Variants in NDUFAF6 observed in about 807,000 individuals in gnomAD.
NDUFAF6 encodes the protein NADH:ubiquinone oxidoreductase complex assembly factor 6.
In NDUFAF6, 45 loss-of-function variants were observed where a neutral mutation model predicts 40.8. The observed-to-expected ratio is 1.10, with a 90% CI of 0.87 to 1.42. The LOEUF (loss-of-function observed/expected upper bound fraction) is 1.42, where lower values mean the gene tolerates loss of function less well. Among genes scored for constraint, NDUFAF6 ranks in the 40% most tolerant of loss-of-function variants. NDUFAF6 has a pLI of 0.00. For missense variants in NDUFAF6, 435 were observed against 418.5 expected, an observed-to-expected ratio of 1.04 and a Z score of -0.34; for synonymous variants, 185 against 155.9, an observed-to-expected ratio of 1.19 and a Z score of -1.39.
intron 2 of NDUFAF6, chr8:94,950,256 A>G (rs942477556): frequency 2.0e-5 from 3 of 152,286 alleles, no homozygotes; most frequent in African/African-American, 7.2e-5. Flanking sequence ...CCAACTCACC[A>G]GGTTATTTAT....
chr8:95,021,804 C>T (rs902312038), upstream of NDUFAF6, among the ~76,000 whole-genome samples: 1 of 152,066 alleles, frequency 6.6e-6, no homozygotes, highest in Admixed American at 6.5e-5. Context: ...AATTATCAAA[C>T]CTGAGGAGGA....
At chr8:95,001,662 G>A (rs1392394994) in intron 2 of NDUFAF6, among the ~76,000 whole-genome samples, 1 of 152,150 alleles carries the variant, frequency 6.6e-6, no homozygotes, top group Non-Finnish European at 1.5e-5. Flanking sequence ...ACTAGACTAA[G>A]ATTTCTGGAT....
At chr8:95,115,031 C>T (rs7002233) in intron 4 of NDUFAF6, among the ~76,000 whole-genome samples, 127,318 of 151,422 alleles carry the variant, frequency 0.84, 54,004 homozygotes, top group East Asian at 1. Flanking sequence ...CACTGCACTC[C>T]AGCCTGGGGG....
At chr8:95,063,393 G>A (rs754409526), downstream of NDUFAF6, among the ~76,000 whole-genome samples, 47 of 152,170 alleles carry the variant, frequency 3.1e-4, no homozygotes, top group Non-Finnish European at 1.0e-4. Context: ...AAGGTCAGGA[G>A]TTTAAGACCA....
At chr8:94,943,185 T>C (rs1821707584) in intron 1 of NDUFAF6, among the ~76,000 whole-genome samples, 1 of 152,130 alleles carries the variant, frequency 6.6e-6, no homozygotes. Context: ...AAGACAGTGA[T>C]AAAAAGCATA....
At chr8:95,048,425 G>C (rs745744709) in intron 6 of NDUFAF6, 32 bp from the exon 7 acceptor site, 2 of 1,501,350 alleles carry the variant, frequency 1.3e-6, no homozygotes, top group Non-Finnish European at 1.9e-6. Context: ...GTGCTTTTAG[G>C]TTCCTAATAT....
intron 1 of NDUFAF6, among the ~76,000 whole-genome samples, chr8:94,918,631 C>T (rs554443756): frequency 6.1e-4 from 93 of 152,170 alleles, no homozygotes; most frequent in Non-Finnish European, 1.2e-3. Flanking sequence ...GAGAGCACCC[C>T]GCATGGGGAT....
intron 2 of NDUFAF6, among the ~76,000 whole-genome samples, chr8:95,014,350 C>A (rs1827351571): frequency 6.6e-6 from 1 of 152,126 alleles, no homozygotes; most frequent in Admixed American, 6.6e-5. Context: ...TGTGAAGGTC[C>A]TCTGGTGGGA....
At chr8:95,090,034 G>C (rs139963038) in intron 2 of NDUFAF6, among the ~76,000 whole-genome samples, 15 of 152,038 alleles carry the variant, frequency 9.9e-5, no homozygotes, top group Non-Finnish European at 1.5e-4. Flanking sequence ...CACATTTCTG[G>C]CATCCCGGCA....
chr8:94,897,774 A>C (rs1817745714), intron 1 of NDUFAF6, among the ~76,000 whole-genome samples: 1 of 129,574 alleles, frequency 7.7e-6, no homozygotes, highest in Admixed American at 9.3e-5. Flanking sequence ...TGCTACAGTT[A>C]TGCTCATCTT....
chr8:94,946,703 A>AAAAAAAAAAAC (rs1822039976), intron 2 of NDUFAF6, among the ~76,000 whole-genome samples: 1 of 145,950 alleles, frequency 6.9e-6, no homozygotes, highest in Non-Finnish European at 1.5e-5. Flanking sequence ...TCTCAAAAAA[A>AAAAAAAAAAAC]AAAAAAAAAA....
intron 2 of NDUFAF6, among the ~76,000 whole-genome samples, chr8:95,093,822 A>G (rs1809349379): frequency 6.6e-6 from 1 of 152,256 alleles, no homozygotes; most frequent in African/African-American, 2.4e-5. Context: ...TTAAGTATTC[A>G]GTTAATGTTA....
intron 2 of NDUFAF6, among the ~76,000 whole-genome samples, chr8:95,083,779 A>G (rs1477890656): frequency 6.6e-6 from 1 of 152,244 alleles, no homozygotes; most frequent in Non-Finnish European, 1.5e-5. Flanking sequence ...TGTAACAACC[A>G]TAATGTAATA....
intron 9 of NDUFAF6, among the ~76,000 whole-genome samples, chr8:95,064,407 A>G (rs1396856475): frequency 6.6e-6 from 1 of 152,158 alleles, no homozygotes; most frequent in African/African-American, 2.4e-5. Flanking sequence ...CTTCTTACAC[A>G]ACTAACTCCC....
intron 2 of NDUFAF6, among the ~76,000 whole-genome samples, chr8:94,995,808 C>T (rs955946859): frequency 5.3e-5 from 8 of 152,120 alleles, no homozygotes; most frequent in Non-Finnish European, 8.8e-5. Context: ...GACGGAGTCT[C>T]GCTCTGTCGC....
chr8:95,095,622 AG>A (rs1208276203), upstream of NDUFAF6, among the ~76,000 whole-genome samples: 4 of 151,012 alleles, frequency 2.6e-5, no homozygotes, highest in Non-Finnish European at 5.9e-5. Flanking sequence ...CACCCCCATT[AG>A]CCAATACAAG....
intron 1 of NDUFAF6, among the ~76,000 whole-genome samples, chr8:94,896,929 A>G (rs1010405381): frequency 6.6e-6 from 1 of 152,148 alleles, no homozygotes; most frequent in Non-Finnish European, 1.5e-5. Flanking sequence ...GGAGAAGCCC[A>G]TGCCTTGTCA....
chr8:94,948,082 T>C (rs1008350857), intron 2 of NDUFAF6, among the ~76,000 whole-genome samples: 1 of 152,184 alleles, frequency 6.6e-6, no homozygotes, highest in African/African-American at 2.4e-5. Context: ...TTTTTAGCAA[T>C]AGATGCCCAA....
At chr8:94,989,707 C>T (rs1294588399) in intron 2 of NDUFAF6, among the ~76,000 whole-genome samples, 3 of 152,124 alleles carry the variant, frequency 2.0e-5, no homozygotes, top group African/African-American at 7.2e-5. Flanking sequence ...GGGGATTATA[C>T]CTGTTCCATT....
Sources: allele counts gnomAD v4.1 joint callset (sites outside exome capture counted in the v4.1 genomes callset), GRCh38; gene constraint gnomAD v4.1.1; transcripts MANE v1.5; gene names NCBI Gene and HGNC (gene_info 2026-07-23, HGNC 2026-07-21).